The following GRIP1 variants were observed in gnomAD, a reference collection of about 807,000 sequenced individuals.
GRIP1 encodes glutamate receptor interacting protein 1, also known as glutamate receptor-interacting protein 1.
GRIP1 carries 45 observed loss-of-function variants against 129.9 expected under a neutral mutation model. The ratio of observed to expected loss-of-function variants is 0.35; its 90% CI spans 0.27 to 0.44. GRIP1 has a LOEUF of 0.44. Among genes scored for constraint, GRIP1 ranks in the 20% least tolerant of loss-of-function variants. The pLI, the probability that GRIP1 is intolerant of heterozygous loss-of-function variation, is 1.00. For missense variants in GRIP1, 1,196 were observed against 1,396.8 expected (o/e 0.86, Z 2.29); for synonymous variants, 530 against 520.8 (o/e 1.02, Z -0.24).
chr12:66,469,571 A>G (rs2059380068), intron 7 of GRIP1, among the ~76,000 whole-genome samples: 1 of 152,204 alleles, frequency 6.6e-6, no homozygotes, highest in Non-Finnish European at 1.5e-5. Context: ...CACATTAAGA[A>G]GTTTCCAGGG....
intron 1 of GRIP1, among the ~76,000 whole-genome samples, chr12:66,833,537 A>T (rs368828987): frequency 2.5e-4 from 38 of 152,238 alleles, no homozygotes; most frequent in African/African-American, 8.4e-4. Context: ...GTGCCACTGG[A>T]TCCAAGTATC....
At chr12:66,979,011 T>C (rs528882498) in intron 1 of GRIP1, among the ~76,000 whole-genome samples, 3 of 152,114 alleles carry the variant, frequency 2.0e-5, no homozygotes, top group Admixed American at 6.5e-5. Context: ...CCTCAGTCTC[T>C]GTGCTAGGTC....
chr12:66,353,713 CT>C (rs1476106059), intron 23 of GRIP1, 150 bp from the exon 24 acceptor site: 42 of 746,172 alleles, frequency 5.6e-5, no homozygotes, highest in South Asian at 6.0e-5. Flanking sequence ...ATCCTGCAGC[CT>C]TTTTTTCCCA....
At chr12:66,509,482 T>G (rs185954108) in intron 7 of GRIP1, among the ~76,000 whole-genome samples, 20 of 152,284 alleles carry the variant, frequency 1.3e-4, no homozygotes, top group African/African-American at 4.3e-4. Context: ...GCACTGTATT[T>G]TACTACAGTC....
intron 19 of GRIP1, among the ~76,000 whole-genome samples, chr12:66,386,486 T>C (rs1332835505): frequency 1.3e-5 from 2 of 151,908 alleles, no homozygotes; most frequent in African/African-American, 4.8e-5. Flanking sequence ...TACAAAAAAT[T>C]AGCTGGTCGT....
At chr12:66,879,904 C>T (rs1386384991) in intron 1 of GRIP1, among the ~76,000 whole-genome samples, 1 of 151,944 alleles carries the variant, frequency 6.6e-6, no homozygotes, top group Non-Finnish European at 1.5e-5. Context: ...GCCGGCATGT[C>T]TAAGGTCCAG....
At position 66,596,880 on chromosome 12, in the gene GRIP1, C is replaced by T. The variant is rs772206613; in HGVS notation, c.103G>A (p.Gly35Arg). 36 of 1,613,514 alleles carry T rather than the reference C, an allele frequency of 2.2e-5. No individual in the cohort carries two copies. Among genetic ancestry groups the T allele is most frequent in the Non-Finnish European group, 5.1e-6 (6 of 1,179,564 alleles). Residue 35 changes from glycine to arginine, a missense_variant, in exon 2 of 25, where the codon GGA becomes AGA. This residue lies in a region of GRIP1 where 217 missense variants were observed against 224.8 expected (regional missense o/e 0.97). Transcript: ENST00000359742. ...KSASQTKPPDGALAVRRQSIP... is the reference protein window; with the variant it reads ...KSASQTKPPDRALAVRRQSIP... Reference sequence around the variant, plus strand: ...CTCTGTCTCCTCACAGCCAACGCTCCATCAGGCGGCTTTGTCTGGCTGGCG... The same window carrying T: ...CTCTGTCTCCTCACAGCCAACGCTCTATCAGGCGGCTTTGTCTGGCTGGCG...
At chr12:67,004,596 A>G (rs2042600121) in intron 1 of GRIP1, among the ~76,000 whole-genome samples, 1 of 152,160 alleles carries the variant, frequency 6.6e-6, no homozygotes, top group African/African-American at 2.4e-5. Context: ...AGGAAGTACA[A>G]CATGCTGAAA....
intron 7 of GRIP1, among the ~76,000 whole-genome samples, chr12:66,481,034 T>A (rs1467434792): frequency 6.6e-6 from 1 of 151,904 alleles, no homozygotes; most frequent in East Asian, 1.9e-4. Flanking sequence ...CCAAAAGCAA[T>A]GGCAACAAAA....
Position 66,997,958 on chromosome 12 carries a change from TA to T in GRIP1, c.58+71091del, listed in dbSNP as rs544172560. 1.8e-3 allele frequency among the ~76,000 whole-genome samples: 278 copies of T among 152,060 alleles called. 1 individual carries two copies. The highest frequency in any genetic ancestry group is 6.4e-3 in the African/African-American group (264 of 41,496). ...TTTCATGTGTTCAAAAAATTTCATT[TA>T]AAAAAAATCCAAAAGCAATATCCAT... On this transcript the variant is annotated intron_variant, in intron 1 of 1. Coordinates refer to the GRIP1 transcript ENST00000643019.
chr12:66,648,272 C>G (rs1249096842), intron 1 of GRIP1, among the ~76,000 whole-genome samples: 4 of 152,214 alleles, frequency 2.6e-5, no homozygotes, highest in Non-Finnish European at 4.4e-5. Context: ...TGAATATCAT[C>G]CCGGAAGGGC....
intron 1 of GRIP1, among the ~76,000 whole-genome samples, chr12:66,748,664 A>G (rs892993807): frequency 5.9e-5 from 9 of 152,186 alleles, no homozygotes; most frequent in African/African-American, 2.2e-4. Context: ...GCAAACAATT[A>G]AAGCTGCTTT....
intron 1 of GRIP1, among the ~76,000 whole-genome samples, chr12:66,767,404 T>C (rs182247488): frequency 5.9e-5 from 9 of 152,240 alleles, no homozygotes; most frequent in Non-Finnish European, 1.2e-4. Context: ...ACCACTTTTA[T>C]TACCAATACC....
chr12:66,486,800 T>TCC (rs2059967134), intron 7 of GRIP1, among the ~76,000 whole-genome samples: 1 of 151,532 alleles, frequency 6.6e-6, no homozygotes, highest in African/African-American at 2.4e-5. Flanking sequence ...CAATTTTTTT[T>TCC]TTTTTTTTGA....
intron 7 of GRIP1, among the ~76,000 whole-genome samples, chr12:66,496,373 C>T (rs754051330): frequency 3.3e-5 from 5 of 152,210 alleles, no homozygotes; most frequent in South Asian, 2.1e-4. Flanking sequence ...GTTACCACAG[C>T]GGGGCACCTT....
Position 66,723,292 on chromosome 12 carries a change from CTTTCTTTCTTTCTT to C in GRIP1, c.-420+80747_-420+80760del, listed in dbSNP as rs2036139747. Among the ~76,000 whole-genome samples, 66 of 28,292 alleles carry C rather than the reference CTTTCTTTCTTTCTT, an allele frequency of 2.3e-3. 4 individuals are homozygous for C. Among genetic ancestry groups the C allele is most frequent in the African/African-American group, 0.011 (62 of 5,596 alleles). The allele number at this position is 28,292 out of a possible 152,430, so 18.6% of individuals were successfully genotyped here. A position where few individuals can be genotyped will look rare whatever the true frequency, so the allele number is the denominator to read the frequency against. On this transcript the variant is annotated intron_variant, in intron 1 of 4. Coordinates refer to the GRIP1 transcript ENST00000538373. ...CCTTCCTTCCTTCCTTCCTTTCTTTCTTTCTTTCTTTCTTTTTTTTTTTTTTTTTTTTTTTTTTG... is the reference window on the plus strand; with the variant it reads ...CCTTCCTTCCTTCCTTCCTTTCTTTCTTTTTTTTTTTTTTTTTTTTTTTTG...
At chr12:67,068,459 G>A (rs1276194739) in intron 1 of GRIP1, among the ~76,000 whole-genome samples, 1 of 151,966 alleles carries the variant, frequency 6.6e-6, no homozygotes, top group African/African-American at 2.4e-5. Context: ...CTGATCGAGG[G>A]GACAATCTTT....
At chr12:66,627,708 G>A (rs774808127) in intron 1 of GRIP1, among the ~76,000 whole-genome samples, 73 of 152,284 alleles carry the variant, frequency 4.8e-4, no homozygotes, top group Admixed American at 2.2e-3. Context: ...TCAGAACACT[G>A]GATCCCCTGG....
intron 2 of GRIP1, among the ~76,000 whole-genome samples, chr12:66,586,170 C>A (rs11176287): frequency 0.25 from 37,352 of 151,994 alleles, 4,731 homozygotes; most frequent in Admixed American, 0.28. Flanking sequence ...TTCTCACCTC[C>A]ACCCATTCAA....
Sources: gnomAD v4.1 joint callset for allele counts (sites outside exome capture counted in the v4.1 genomes callset) on GRCh38, gnomAD v4.1.1 for gene constraint, gnomAD v4.1.1 regional missense constraint, MANE v1.5 for transcripts, NCBI Gene and HGNC (gene_info 2026-07-23, HGNC 2026-07-21) for gene names.